KATNAL1: variants seen among roughly 807,000 people sequenced by gnomAD.
KATNAL1 encodes katanin catalytic subunit A1 like 1.
A neutral mutation model predicts 55.2 loss-of-function variants in KATNAL1; 32 were observed. That is an observed-to-expected ratio of 0.58 (90% CI 0.44 to 0.78). The LOEUF (loss-of-function observed/expected upper bound fraction) is 0.78. Among genes scored for constraint, KATNAL1 ranks in the 30% least tolerant of loss-of-function variants. The pLI is 0.00. For synonymous variants in KATNAL1, 193 were observed against 193.6 expected (o/e 1.00, Z 0.02); for missense variants, 466 against 600.9 (o/e 0.78, Z 2.35).
At chr13:30,288,303 C>T (rs144230684) in intron 1 of KATNAL1, among the ~76,000 whole-genome samples, 2 of 152,252 alleles carry the variant, frequency 1.3e-5, no homozygotes, top group African/African-American at 4.8e-5. Context: ...CCATTATTTG[C>T]AGATTAATCA....
chr13:30,274,159 G>A (rs1880581603), intron 3 of KATNAL1, among the ~76,000 whole-genome samples: 1 of 152,150 alleles, frequency 6.6e-6, no homozygotes, highest in Non-Finnish European at 1.5e-5. Context: ...AATTAGTAGT[G>A]GAACTGATAG....
chr13:30,234,697 T>C (rs886346244), intron 6 of KATNAL1, among the ~76,000 whole-genome samples: 2 of 152,216 alleles, frequency 1.3e-5, no homozygotes, highest in African/African-American at 2.4e-5. Context: ...CAGGCCTCTA[T>C]TTTGAATTAG....
chr13:30,280,574 T>A (rs1045731737), intron 2 of KATNAL1, among the ~76,000 whole-genome samples: 1 of 152,190 alleles, frequency 6.6e-6, no homozygotes, highest in African/African-American at 2.4e-5. Context: ...TAAATACTTT[T>A]AATATATTTA....
intron 1 of KATNAL1, among the ~76,000 whole-genome samples, chr13:30,300,402 A>G (rs181105069): frequency 6.6e-6 from 1 of 152,328 alleles, no homozygotes; most frequent in East Asian, 1.9e-4. Flanking sequence ...AACTATAGCA[A>G]TGTGAACTAA....
At chr13:30,252,743 TTTC>T (rs1593891428) in intron 4 of KATNAL1, among the ~76,000 whole-genome samples, 3 of 151,752 alleles carry the variant, frequency 2.0e-5, no homozygotes, top group Non-Finnish European at 4.4e-5. Context: ...CTAATTTTCC[TTTC>T]TTTTTTTTTT....
At chr13:30,262,485 GAAGAA>G (rs1879389366) in intron 3 of KATNAL1, among the ~76,000 whole-genome samples, 1 of 152,036 alleles carries the variant, frequency 6.6e-6, no homozygotes, top group Non-Finnish European at 1.5e-5. Flanking sequence ...GACTGATAAA[GAAGAA>G]AAGAGAGAAG....
intron 6 of KATNAL1, among the ~76,000 whole-genome samples, chr13:30,238,875 C>T (rs543799787): frequency 6.6e-6 from 1 of 152,118 alleles, no homozygotes; most frequent in Non-Finnish European, 1.5e-5. Flanking sequence ...AGAAAGTGTG[C>T]CGCAGAAAGG....
intron 3 of KATNAL1, among the ~76,000 whole-genome samples, chr13:30,273,488 C>G (rs1014279051): frequency 6.6e-6 from 1 of 152,164 alleles, no homozygotes; most frequent in Non-Finnish European, 1.5e-5. Context: ...AACAATAGTA[C>G]CTATTTTAAG....
At chr13:30,232,477 T>C (rs1422173898) in intron 6 of KATNAL1, among the ~76,000 whole-genome samples, 1 of 152,194 alleles carries the variant, frequency 6.6e-6, no homozygotes, top group African/African-American at 2.4e-5. Flanking sequence ...AACACTAGTT[T>C]TACAAAAATA....
intron 3 of KATNAL1, among the ~76,000 whole-genome samples, chr13:30,274,880 TGCACACACATACGCGCGCGCGC>T (rs1432493853): frequency 3.0e-4 from 42 of 138,156 alleles, no homozygotes; most frequent in Admixed American, 6.3e-4. Flanking sequence ...GCGGGGTGTG[TGCACACACATACGCGCGCGCGC>T]GCGCGCACAC....
chr13:30,303,293 TGCC>T (rs1882976599), intron 1 of KATNAL1, among the ~76,000 whole-genome samples: 1 of 152,266 alleles, frequency 6.6e-6, no homozygotes, highest in Non-Finnish European at 1.5e-5. Flanking sequence ...TCACAATCTA[TGCC>T]TTGAATTTAT....
At chr13:30,230,671 C>A in intron 7 of KATNAL1, 77 bp from the exon 8 acceptor site, 1 of 1,135,316 alleles carries the variant, frequency 8.8e-7, no homozygotes, top group Non-Finnish European at 1.2e-6. Flanking sequence ...TCTTTTAAAA[C>A]AATGGCAAAA....
At chr13:30,304,422 A>G (rs962334834) in intron 1 of KATNAL1, among the ~76,000 whole-genome samples, 1 of 152,078 alleles carries the variant, frequency 6.6e-6, no homozygotes, top group Admixed American at 6.6e-5. Flanking sequence ...GGTGTGCGCC[A>G]CCATGTCTAG....
intron 1 of KATNAL1, among the ~76,000 whole-genome samples, chr13:30,297,658 A>G (rs1882603856): frequency 6.6e-6 from 1 of 152,266 alleles, no homozygotes; most frequent in South Asian, 2.1e-4. Flanking sequence ...AACGTGGTAC[A>G]TATATACCAT....
intron 4 of KATNAL1, among the ~76,000 whole-genome samples, chr13:30,251,429 T>C (rs1878305561): frequency 6.6e-6 from 1 of 152,092 alleles, no homozygotes; most frequent in Non-Finnish European, 1.5e-5. Context: ...TTTTGGAAGG[T>C]GGTTAGGTCA....
At chr13:30,259,127 G>A (rs1448887703) in intron 3 of KATNAL1, among the ~76,000 whole-genome samples, 1 of 152,162 alleles carries the variant, frequency 6.6e-6, no homozygotes, top group Non-Finnish European at 1.5e-5. Context: ...ATCACTACAG[G>A]TCAGGAGTTC....
At chr13:30,219,787 G>A (rs1054812537) in intron 9 of KATNAL1, among the ~76,000 whole-genome samples, 2 of 152,142 alleles carry the variant, frequency 1.3e-5, no homozygotes, top group African/African-American at 2.4e-5. Context: ...AGTAATTACT[G>A]TTACAAACTT....
At chr13:30,295,235 T>C (rs1043474906) in intron 1 of KATNAL1, among the ~76,000 whole-genome samples, 13 of 152,228 alleles carry the variant, frequency 8.5e-5, no homozygotes, top group African/African-American at 3.1e-4. Context: ...GAACACTTTC[T>C]GGAACAGAGT....
At chr13:30,262,449 C>G (rs545722962) in intron 3 of KATNAL1, among the ~76,000 whole-genome samples, 1 of 151,374 alleles carries the variant, frequency 6.6e-6, no homozygotes, top group Non-Finnish European at 1.5e-5. Context: ...TTGAAAGGAT[C>G]AAAAAAATGG....
Sources: allele counts gnomAD v4.1 joint callset (sites outside exome capture counted in the v4.1 genomes callset), GRCh38; gene constraint gnomAD v4.1.1; transcripts MANE v1.5; gene names NCBI Gene and HGNC (gene_info 2026-07-23, HGNC 2026-07-21).